The following BPIFC variants were observed in gnomAD, a reference collection of about 807,000 sequenced individuals.
BPIFC encodes the protein BPI fold-containing family C protein.
A neutral mutation model predicts 57.6 loss-of-function variants in BPIFC; 60 were observed. The observed-to-expected ratio is 1.04, with a 90% CI of 0.85 to 1.29. The LOEUF is 1.29. BPIFC is among the 50% of genes most tolerant of loss of function. The probability of loss-of-function intolerance (pLI) is 0.00; values close to 1 mark genes in which losing one functional copy is unlikely to be tolerated. For missense variants in BPIFC, 581 were observed against 600.5 expected (o/e 0.97, Z 0.34); for synonymous variants, 243 against 224.5 (o/e 1.08, Z -0.74).
Position 32,445,703 on chromosome 22 carries a change from G to GA in BPIFC, c.531-6_531-5insT. On this transcript the variant is annotated splice_region_variant and splice_polypyrimidine_tract_variant and intron_variant, in intron 6 of 16. Coordinates refer to ENST00000300399, the MANE Select transcript of BPIFC (RefSeq NM_174932.3). Reference sequence around the variant, plus strand: ...GCAAAGGAGTTATACAGAACACTGAGGAAAAAAATGAAAAAAAAAAAAAAA... The same window carrying GA: ...GCAAAGGAGTTATACAGAACACTGAGAGAAAAAAATGAAAAAAAAAAAAAAA... The GA allele has an allele frequency of 3.0e-6, 1 of 335,762 alleles. No homozygotes were observed. Among genetic ancestry groups the GA allele is most frequent in the Non-Finnish European group, 4.5e-6 (1 of 221,320 alleles). 20.8% of individuals were successfully genotyped at this position (335,762 alleles called of 1,614,324 possible).
chr22:32,414,454 G>A (rs572656581), intron 16 of BPIFC, 29 bp from the exon 17 acceptor site: 20 of 1,609,418 alleles, frequency 1.2e-5, no homozygotes, highest in East Asian at 4.5e-5. Context: ...TGAAGATAAC[G>A]TCAAAACTTG....
chr22:32,422,432 C>T (rs531448334), intron 13 of BPIFC, among the ~76,000 whole-genome samples: 3 of 152,212 alleles, frequency 2.0e-5, no homozygotes, highest in East Asian at 1.9e-4. Flanking sequence ...TGAAGCTGGG[C>T]GCGGTGGCTC....
At chr22:32,427,168 C>T (rs549327480) in intron 13 of BPIFC, among the ~76,000 whole-genome samples, 8 of 152,230 alleles carry the variant, frequency 5.3e-5, no homozygotes, top group East Asian at 1.9e-4. Context: ...CACACATTTC[C>T]GGGATGATGT....
chr22:32,425,999 C>G (rs1934057328), intron 13 of BPIFC, among the ~76,000 whole-genome samples: 1 of 152,174 alleles, frequency 6.6e-6, no homozygotes, highest in South Asian at 2.1e-4. Context: ...AGTGGCAGCA[C>G]TGGGATCAGA....
At chr22:32,436,088 T>C (rs2145935129) in intron 9 of BPIFC, among the ~76,000 whole-genome samples, 1 of 152,228 alleles carries the variant, frequency 6.6e-6, no homozygotes, top group South Asian at 2.1e-4. Flanking sequence ...AATGACTGTT[T>C]TTCCATGATC....
intron 16 of BPIFC, among the ~76,000 whole-genome samples, chr22:32,414,848 C>T (rs1186847648): frequency 2.0e-5 from 3 of 152,176 alleles, no homozygotes; most frequent in Admixed American, 6.5e-5. Flanking sequence ...CCCTCCTCTA[C>T]CCTGGCCCTA....
intron 4 of BPIFC, among the ~76,000 whole-genome samples, chr22:32,448,252 T>G (rs1264337201): frequency 6.6e-6 from 1 of 152,018 alleles, no homozygotes; most frequent in Non-Finnish European, 1.5e-5. Context: ...GTATTTTTAG[T>G]AGAGACGGGC....
chr22:32,439,132 C>A (rs1934491754), intron 8 of BPIFC, among the ~76,000 whole-genome samples: 1 of 151,780 alleles, frequency 6.6e-6, no homozygotes, highest in African/African-American at 2.4e-5. Flanking sequence ...TTGAGACCAG[C>A]CTGACCAACA....
intron 4 of BPIFC, 84 bp downstream of exon 4, chr22:32,453,299 T>C: frequency 1.0e-6 from 1 of 986,428 alleles, no homozygotes; most frequent in Non-Finnish European, 1.4e-6. Flanking sequence ...TGGATTCTGA[T>C]GAAATCGTGG....
intron 1 of BPIFC, among the ~76,000 whole-genome samples, chr22:32,463,836 A>ATGTCT (rs1269162092): frequency 6.6e-6 from 1 of 152,160 alleles, no homozygotes; most frequent in Non-Finnish European, 1.5e-5. Flanking sequence ...AATTCATAGC[A>ATGTCT]TGTCTTTTCC....
intron 16 of BPIFC, among the ~76,000 whole-genome samples, chr22:32,414,948 C>A (rs1933627146): frequency 6.6e-6 from 1 of 152,134 alleles, no homozygotes; most frequent in South Asian, 2.1e-4. Flanking sequence ...GGGGGAGAAG[C>A]AGGGAAGTGG....
In BPIFC at chr22:32,445,644, T is replaced by G. The variant is rs1257473487; in HGVS notation, c.585A>C (p.Leu195Phe). The stretch of plus-strand genomic sequence containing the variant: ...ACCTCTAAAGACTCACCATTTCATT[T>G]AAGTTCTTTAAAATGGGTTTCTCCA... Reference protein sequence around the residue: ...EPMEKPILKNLNEMLCPIIAS... With the variant: ...EPMEKPILKNFNEMLCPIIAS... The change falls in exon 7 of 17, where the codon TTA (leucine) becomes TTC (phenylalanine). Residue 195 changes from leucine (L) to phenylalanine (F), a missense_variant. By Grantham distance (22) the Leu-to-Phe change is conservative. Transcript: ENST00000300399. 3 of 1,599,382 alleles carry G rather than the reference T, an allele frequency of 1.9e-6. No individual in the cohort carries two copies. Among genetic ancestry groups the G allele is most frequent in the Non-Finnish European group, 2.5e-6 (3 of 1,177,102 alleles).
At chr22:32,443,093 G>A (rs1026123198) in intron 7 of BPIFC, among the ~76,000 whole-genome samples, 14 of 152,126 alleles carry the variant, frequency 9.2e-5, no homozygotes, top group Non-Finnish European at 1.8e-4. Context: ...TGACTGCTGG[G>A]GGTGCCGCCA....
rs1934954726 is a variant in BPIFC, at chr22:32,453,523, G to T, written c.125-20C>A. On this transcript the variant is annotated intron_variant, in intron 3 of 16. Transcript: ENST00000300399. ...GAACACCTGTGAAGGAAACAAGAAAGAATCTGTTGATAATGACAAAGATAA... is the reference window on the plus strand; with the variant it reads ...GAACACCTGTGAAGGAAACAAGAAATAATCTGTTGATAATGACAAAGATAA... 1 of 1,561,284 alleles carries T rather than the reference G, an allele frequency of 6.4e-7. No homozygotes were observed. Among genetic ancestry groups the T allele is most frequent in the African/African-American group, 1.4e-5 (1 of 72,050 alleles).
At chr22:32,431,439 A>ATTTATTTATTTTTTTTATTTTT in intron 12 of BPIFC, 25 bp from the exon 13 acceptor site, 3 of 1,343,074 alleles carry the variant, frequency 2.2e-6, no homozygotes, top group Non-Finnish European at 3.2e-6. Context: ...AGCATTTATT[A>ATTTATTTATTTTTTTTATTTTT]TTAAGACGAG....
intron 13 of BPIFC, among the ~76,000 whole-genome samples, chr22:32,422,433 G>A (rs1458370059): frequency 1.3e-5 from 2 of 152,136 alleles, no homozygotes; most frequent in Admixed American, 6.5e-5. Context: ...GAAGCTGGGC[G>A]CGGTGGCTCA....
At chr22:32,422,434 C>T (rs1388948047) in intron 13 of BPIFC, among the ~76,000 whole-genome samples, 1 of 152,064 alleles carries the variant, frequency 6.6e-6, no homozygotes, top group Non-Finnish European at 1.5e-5. Context: ...AAGCTGGGCG[C>T]GGTGGCTCAC....
chr22:32,457,497 A>G, intron 2 of BPIFC, 111 bp from the exon 3 acceptor site: 2 of 1,240,996 alleles, frequency 1.6e-6, no homozygotes, highest in Non-Finnish European at 2.2e-6. Context: ...TCCAGAACTC[A>G]ATACATCCAT....
In BPIFC at chr22:32,437,809, A is replaced by T; in HGVS notation, c.698T>A (p.Leu233Gln). Reference sequence around the variant, plus strand: ...CTCAGTAATTTCTGGAGAACTGATTAGGGAGTAATCCAGCAGAGTGTAGTT... The same window carrying T: ...CTCAGTAATTTCTGGAGAACTGATTTGGGAGTAATCCAGCAGAGTGTAGTT... The part of the protein sequence containing the change: ...IDNYTLLDYS[L>Q]ISSPEITENY... The change falls in exon 9 of 17, where the codon CTA becomes CAA. Residue 233 changes from leucine to glutamine, a missense_variant. Coordinates refer to ENST00000300399, the MANE Select transcript of BPIFC (RefSeq NM_174932.3). 6.2e-7 allele frequency: 1 copy of T among 1,612,722 alleles called. No individual in the cohort carries two copies. Among genetic ancestry groups the T allele is most frequent in the Non-Finnish European group, 8.5e-7 (1 of 1,178,762 alleles).
Sources: allele counts gnomAD v4.1 joint callset (sites outside exome capture counted in the v4.1 genomes callset), GRCh38; gene constraint gnomAD v4.1.1; transcripts MANE v1.5; gene names NCBI Gene and HGNC (gene_info 2026-07-23, HGNC 2026-07-21).